LARGE1: variants seen among roughly 807,000 people sequenced by gnomAD.
The protein encoded by LARGE1 is xylosyl- and glucuronyltransferase LARGE1.
LARGE1 carries 43 observed loss-of-function variants against 87.6 expected under a neutral mutation model. The ratio of observed to expected loss-of-function variants is 0.49; its 90% CI spans 0.38 to 0.63. LARGE1 has a LOEUF of 0.63. LARGE1 is among the 30% of genes least tolerant of loss of function. LARGE1 has a pLI of 0.00. For synonymous variants in LARGE1, 434 were observed against 394.6 expected (o/e 1.10, Z -1.18); for missense variants, 802 against 1,000.2 (o/e 0.80, Z 2.67).
exon 12 of LARGE1, chr22:33,163,751 G>A (rs1922122175): frequency 6.6e-6 from 1 of 152,184 alleles, no homozygotes; most frequent in Non-Finnish European, 1.5e-5. Context: ...TCTTAAACTG[G>A]TGATCTCTAG....
intron 2 of LARGE1, among the ~76,000 whole-genome samples, chr22:33,661,424 G>C (rs553642815): frequency 1.2e-3 from 182 of 151,970 alleles, no homozygotes; most frequent in Non-Finnish European, 2.1e-3. Context: ...ATGTTGGCCA[G>C]CCTGTTCCTC....
intron 2 of LARGE1, among the ~76,000 whole-genome samples, chr22:33,652,822 A>AT (rs964745154): frequency 6.6e-6 from 1 of 151,784 alleles, no homozygotes; most frequent in Non-Finnish European, 1.5e-5. Context: ...AATATGACTC[A>AT]TTTTTTTTCC....
At chr22:33,626,548 C>T (rs2079928670) in intron 3 of LARGE1, among the ~76,000 whole-genome samples, 2 of 152,174 alleles carry the variant, frequency 1.3e-5, no homozygotes, top group Admixed American at 6.5e-5. Context: ...ATTAAGGCTC[C>T]TTCCAATTAC....
intron 2 of LARGE1, among the ~76,000 whole-genome samples, chr22:33,651,853 T>G (rs189965624): frequency 6.6e-6 from 1 of 152,316 alleles, no homozygotes; most frequent in South Asian, 2.1e-4. Flanking sequence ...CAACACTCCA[T>G]GTAACAATCA....
chr22:33,404,917 G>A (rs1379790663), intron 7 of LARGE1, among the ~76,000 whole-genome samples: 1 of 152,112 alleles, frequency 6.6e-6, no homozygotes, highest in African/African-American at 2.4e-5. Context: ...CTATACCTGA[G>A]CAATTATCCA....
At chr22:33,641,962 G>A (rs2080448681) in intron 3 of LARGE1, among the ~76,000 whole-genome samples, 1 of 152,118 alleles carries the variant, frequency 6.6e-6, no homozygotes, top group Non-Finnish European at 1.5e-5. Flanking sequence ...CACTCTTCAG[G>A]ATATTATCCA....
chr22:33,174,866 A>G (rs1248037841), intron 11 of LARGE1, among the ~76,000 whole-genome samples: 1 of 151,606 alleles, frequency 6.6e-6, no homozygotes, highest in Non-Finnish European at 1.5e-5. Context: ...TACCAACCAA[A>G]AAATGTCCGG....
intron 1 of LARGE1, among the ~76,000 whole-genome samples, chr22:33,788,221 C>T (rs1163494099): frequency 6.6e-6 from 1 of 152,114 alleles, no homozygotes; most frequent in African/African-American, 2.4e-5. Flanking sequence ...TCATGAGATC[C>T]GATGGTTTTA....
intron 1 of LARGE1, among the ~76,000 whole-genome samples, chr22:33,784,201 G>C (rs558148765): frequency 6.6e-6 from 1 of 152,102 alleles, no homozygotes; most frequent in Non-Finnish European, 1.5e-5. Context: ...ATAACATTAC[G>C]ACTTGCAGTA....
intron 9 of LARGE1, among the ~76,000 whole-genome samples, chr22:33,341,220 T>A (rs534250715): frequency 1.6e-3 from 244 of 152,206 alleles, no homozygotes; most frequent in Non-Finnish European, 2.7e-3. Flanking sequence ...GCTTCCACCA[T>A]GTGAAGACAG....
chr22:33,908,157 C>G (rs897732801), intron 1 of LARGE1, among the ~76,000 whole-genome samples: 2 of 152,222 alleles, frequency 1.3e-5, no homozygotes, highest in African/African-American at 4.8e-5. Flanking sequence ...AGCAAATTCA[C>G]TGAAATCTAA....
chr22:33,370,085 T>A (rs948130169), intron 9 of LARGE1, among the ~76,000 whole-genome samples: 20 of 152,184 alleles, frequency 1.3e-4, no homozygotes, highest in African/African-American at 4.8e-4. Flanking sequence ...AGCAGTTAAC[T>A]AAGGGGACTG....
intron 6 of LARGE1, among the ~76,000 whole-genome samples, chr22:33,560,652 G>A (rs563867269): frequency 7.9e-5 from 12 of 152,064 alleles, no homozygotes; most frequent in Non-Finnish European, 1.2e-4. Flanking sequence ...GGTCCAAGGT[G>A]ACACGTACTC....
intron 1 of LARGE1, among the ~76,000 whole-genome samples, chr22:33,896,802 A>C (rs1156509394): frequency 1.3e-5 from 2 of 152,104 alleles, no homozygotes; most frequent in Admixed American, 6.6e-5. Flanking sequence ...GTTTTCCGTA[A>C]TTAGATACTC....
intron 11 of LARGE1, among the ~76,000 whole-genome samples, chr22:33,254,100 A>G (rs1235984392): frequency 6.6e-6 from 1 of 152,164 alleles, no homozygotes; most frequent in African/African-American, 2.4e-5. Flanking sequence ...TGCTACAGCA[A>G]TGAAAGCAGC....
intron 5 of LARGE1, among the ~76,000 whole-genome samples, chr22:33,595,444 A>G (rs2283920): frequency 4.6e-5 from 7 of 152,072 alleles, no homozygotes; most frequent in African/African-American, 1.7e-4. Flanking sequence ...TGTGATTTGC[A>G]GAACCACAGA....
At chr22:33,522,278 A>T (rs935174421) in intron 6 of LARGE1, among the ~76,000 whole-genome samples, 18 of 152,176 alleles carry the variant, frequency 1.2e-4, no homozygotes, top group African/African-American at 4.1e-4. Flanking sequence ...AGAGTTAGCC[A>T]CCTCTGTCAC....
chr22:33,461,476 A>T (rs1457536707), intron 6 of LARGE1, among the ~76,000 whole-genome samples: 1 of 152,082 alleles, frequency 6.6e-6, no homozygotes, highest in Non-Finnish European at 1.5e-5. Flanking sequence ...ACCTTTGGAC[A>T]CAGGGCAGGG....
chr22:33,208,314 G>A (rs1232679409), intron 11 of LARGE1, among the ~76,000 whole-genome samples: 1 of 152,164 alleles, frequency 6.6e-6, no homozygotes, highest in Non-Finnish European at 1.5e-5. Context: ...AAGAAACTAA[G>A]AATATGTCAG....
Sources: gnomAD v4.1 joint callset for allele counts (sites outside exome capture counted in the v4.1 genomes callset) on GRCh38, gnomAD v4.1.1 for gene constraint, MANE v1.5 for transcripts, NCBI Gene and HGNC (gene_info 2026-07-23, HGNC 2026-07-21) for gene names.